The following SH3BP4 variants were observed in gnomAD, a reference collection of about 807,000 sequenced individuals.
SH3BP4 encodes SH3 domain binding protein 4.
A neutral mutation model predicts 65.5 loss-of-function variants in SH3BP4; 33 were observed. The observed-to-expected ratio is 0.50, with a 90% CI of 0.38 to 0.67. SH3BP4 has a LOEUF of 0.67. Ranked by LOEUF, SH3BP4 falls within the 30% of genes least tolerant of loss-of-function variation. SH3BP4 has a pLI of 0.00. For missense variants in SH3BP4, 1,134 were observed against 1,261.4 expected (o/e 0.90, Z 1.53); for synonymous variants, 552 against 545.5 (o/e 1.01, Z -0.17).
rs1422079887 is a variant in SH3BP4 at position 235,041,446 on chromosome 2, T to A, written c.677T>A (p.Leu226His). 6.2e-7 allele frequency: 1 copy of A among 1,614,128 alleles called. No individual in the cohort carries two copies. The highest frequency in any genetic ancestry group is 1.7e-5 in the Admixed American group (1 of 60,036). ...IFDELPVTNG[L>H]HAEPPVRRDN... is the part of the protein sequence containing the mutation. ...GATGAGCTTCCAGTCACAAACGGAC[T>A]CCACGCAGAGCCGCCGGTCAGGCGG... Residue 226 changes from leucine to histidine, a missense_variant, in exon 4 of 6, where the codon CTC becomes CAC. By Grantham distance (99) the Leu-to-His change is moderately conservative. Transcript: ENST00000392011. The surrounding 1 kb of genome is among the most constrained non-coding windows in gnomAD (Gnocchi z 6.0).
chr2:235,012,783 C>T (rs945110973), intron 2 of SH3BP4, among the ~76,000 whole-genome samples: 3 of 152,218 alleles, frequency 2.0e-5, no homozygotes, highest in Non-Finnish European at 2.9e-5. Context: ...CAACTCATGC[C>T]GTGCCATTGT....
Position 235,005,361 on chromosome 2 carries a change from G to A in SH3BP4, c.-133+9985G>A, listed in dbSNP as rs529128737. On this transcript the variant is annotated intron_variant, in intron 2 of 5. Transcript: ENST00000392011. ...GGTGTCAGGGGAGCCCCTCGCCTGG[G>A]GCTCACTCCGGCTCCCCTGACTGGG... is the stretch of plus-strand genomic sequence containing the variant. Among the ~76,000 whole-genome samples the A allele has an allele frequency of 1.3e-5, 2 of 152,114 alleles. 1 individual carries two copies. Among genetic ancestry groups the A allele is most frequent in the South Asian group, 4.1e-4 (2 of 4,820 alleles).
intron 2 of SH3BP4, among the ~76,000 whole-genome samples, chr2:235,010,177 G>A (rs551798176): frequency 1.3e-5 from 2 of 152,190 alleles, no homozygotes; most frequent in Admixed American, 1.3e-4. Context: ...CCCACCCCAG[G>A]TTTTCTCCAT....
At chr2:235,020,023 G>A (rs1164957929) in intron 2 of SH3BP4, among the ~76,000 whole-genome samples, 1 of 152,172 alleles carries the variant, frequency 6.6e-6, no homozygotes, top group Non-Finnish European at 1.5e-5. Context: ...CCCCCCGAGG[G>A]AGAGCCACCG....
chr2:234,966,114 C>T (rs571101775), intron 1 of SH3BP4, among the ~76,000 whole-genome samples: 1 of 152,302 alleles, frequency 6.6e-6, no homozygotes, highest in South Asian at 2.1e-4. Context: ...CACGGTGGCT[C>T]ACACCTGTAA....
chr2:234,998,858 C>G (rs1559237734), intron 2 of SH3BP4, among the ~76,000 whole-genome samples: 1 of 152,196 alleles, frequency 6.6e-6, no homozygotes, highest in Non-Finnish European at 1.5e-5. Context: ...GGCCAGCGTC[C>G]TTAATAGCAT....
Position 234,991,207 on chromosome 2 carries a change from T to C in SH3BP4, c.-206-4096T>C, listed in dbSNP as rs1257758130. ...ATTTAGGACACAGTGGTCATCTCTGTGTGTGAATATAGCTTCCTGTTTGGA... is the reference window on the plus strand; with the variant it reads ...ATTTAGGACACAGTGGTCATCTCTGCGTGTGAATATAGCTTCCTGTTTGGA... On this transcript the variant is annotated intron_variant, in intron 1 of 5. Coordinates refer to ENST00000392011, the MANE Select transcript of SH3BP4 (RefSeq NM_014521.3). This position sits in a 1 kb window ranked among gnomAD's most constrained non-coding sequence, Gnocchi z 4.2. Among the ~76,000 whole-genome samples, 2 of 152,172 alleles carry C rather than the reference T, an allele frequency of 1.3e-5. No individual in the cohort carries two copies. The highest frequency in any genetic ancestry group is 2.9e-5 in the Non-Finnish European group (2 of 68,036).
intron 3 of SH3BP4, among the ~76,000 whole-genome samples, chr2:235,039,595 G>T (rs555921611): frequency 2.0e-5 from 3 of 152,200 alleles, no homozygotes; most frequent in African/African-American, 4.8e-5. Context: ...TTTGGGAGGT[G>T]GGGGAGGGGA....
Position 235,038,356 on chromosome 2 carries a change from A to C in SH3BP4, c.119-2532A>C, listed in dbSNP as rs1574841231. Among the ~76,000 whole-genome samples the C allele has an allele frequency of 2.5e-4, 3 of 12,170 alleles. 1 individual carries two copies. In the South Asian group the frequency reaches 0.017, roughly 70 times the overall value. 8.0% of individuals were successfully genotyped at this position (12,170 alleles called of 152,430 possible). A position where few individuals can be genotyped will look rare whatever the true frequency, so the allele number is the denominator to read the frequency against. ...TATATATAGTATATATATTTTATAT[A>C]TATATATATAATATATATACATATA... On this transcript the variant is annotated intron_variant, in intron 3 of 5. Transcript: ENST00000392011.
At chr2:235,024,099 C>A (rs1694924381) in intron 2 of SH3BP4, among the ~76,000 whole-genome samples, 1 of 152,204 alleles carries the variant, frequency 6.6e-6, no homozygotes, top group Non-Finnish European at 1.5e-5. Context: ...GACATGTGAG[C>A]TCTTCAGTAA....
intron 1 of SH3BP4, among the ~76,000 whole-genome samples, chr2:234,964,079 C>T (rs1002943893): frequency 3.9e-5 from 6 of 152,180 alleles, no homozygotes; most frequent in Admixed American, 2.6e-4. Context: ...CAGGTCTTGG[C>T]ACCGCAGTAT....
In SH3BP4 at chr2:235,035,283, T is replaced by C. The variant is rs2106325404; in HGVS notation, c.118+163T>C. The stretch of plus-strand genomic sequence containing the variant: ...GGTAATAGATTTAGCCCTGGAATCA[T>C]AGTCACTTGTCTTATTTTTTGGTTC... On this transcript the variant is annotated intron_variant, in intron 3 of 5. Coordinates refer to ENST00000392011, the MANE Select transcript of SH3BP4 (RefSeq NM_014521.3). This position sits in a 1 kb window ranked among gnomAD's most constrained non-coding sequence, Gnocchi z 5.0. 6.6e-6 allele frequency among the ~76,000 whole-genome samples: 1 copy of C among 152,356 alleles called. No individual in the cohort carries two copies. Among genetic ancestry groups the C allele is most frequent in the East Asian group, 1.9e-4 (1 of 5,184 alleles).
intron 2 of SH3BP4, among the ~76,000 whole-genome samples, chr2:235,000,066 A>G (rs1234114028): frequency 6.6e-6 from 1 of 152,172 alleles, no homozygotes; most frequent in East Asian, 1.9e-4. Flanking sequence ...ATCCATCTGG[A>G]GAGGGGTGAG....
rs1286293264 is a variant in SH3BP4 at position 235,042,163 on chromosome 2, C to T, written c.1394C>T (p.Thr465Ile). Residue 465 changes from threonine to isoleucine, a missense_variant, in exon 4 of 6, where the codon ACC (threonine) becomes ATC (isoleucine). By Grantham distance (89) the Thr-to-Ile change is moderately conservative. Transcript: ENST00000392011. This position sits in a 1 kb window ranked among gnomAD's most constrained non-coding sequence, Gnocchi z 7.3. ...AHGPSILYPS[T>I]VWDFINKKVT... The stretch of plus-strand genomic sequence containing the variant: ...GGCCCAAGCATCCTCTACCCTTCCA[C>T]CGTGTGGGACTTCATCAATAAAAAA... 6.2e-7 allele frequency: 1 copy of T among 1,614,092 alleles called. No homozygotes were observed. The highest frequency in any genetic ancestry group is 8.5e-7 in the Non-Finnish European group (1 of 1,180,026).
Position 235,034,886 on chromosome 2 carries a change from C to G in SH3BP4, c.-117C>G, listed in dbSNP as rs536809048. ...CTACTTTCAGGAAGAAACATATTGC[C>G]GAGTGGATGCCGCCGCGCAGCGTGT... On this transcript the variant is annotated 5_prime_UTR_variant, in exon 3 of 6. Coordinates refer to ENST00000392011, the MANE Select transcript of SH3BP4 (RefSeq NM_014521.3). The surrounding 1 kb of genome is among the most constrained non-coding windows in gnomAD (Gnocchi z 6.2). 3.8e-6 allele frequency: 3 copies of G among 782,918 alleles called. No homozygotes were observed. In the African/African-American group the frequency reaches 5.2e-5, roughly 14 times the overall value. 48.5% of individuals were successfully genotyped at this position (782,918 alleles called of 1,614,324 possible). A position where few individuals can be genotyped will look rare whatever the true frequency, so the allele number is the denominator to read the frequency against.
Position 234,974,670 on chromosome 2 carries a change from A to G in SH3BP4, c.-206-20633A>G, listed in dbSNP as rs1314863849. Among the ~76,000 whole-genome samples, 1 of 152,204 alleles carries G rather than the reference A, an allele frequency of 6.6e-6. No homozygotes were observed. Among genetic ancestry groups the G allele is most frequent in the African/African-American group, 2.4e-5 (1 of 41,460 alleles). ...CTCATTTTACACTAACAAGGGCTTC[A>G]TGCAGCCCGCGGCCCAGGGCGTTCA... is the stretch of plus-strand genomic sequence containing the variant. On this transcript the variant is annotated intron_variant, in intron 1 of 5. Transcript: ENST00000392011. This position sits in a 1 kb window ranked among gnomAD's most constrained non-coding sequence, Gnocchi z 4.6.
intron 1 of SH3BP4, among the ~76,000 whole-genome samples, chr2:234,986,642 C>A (rs1021483611): frequency 6.6e-6 from 1 of 152,016 alleles, no homozygotes; most frequent in Admixed American, 6.6e-5. Flanking sequence ...CTTTTCACTT[C>A]CTGATCTCGG....
chr2:235,041,037 G>A lies in SH3BP4; in HGVS notation c.268G>A (p.Gly90Ser), dbSNP rs181446700. The A allele has an allele frequency of 4.5e-5, 73 of 1,614,122 alleles. No individual in the cohort carries two copies. In the Admixed American group the frequency reaches 7.7e-4, roughly 17 times the overall value. ...TCTCTACGTCTTGGACACATCTGGC[G>A]GTGAGTGGTGGTACGCACACAACAC... ...DHLYVLDTSGGEWWYAHNTTE... is the reference protein window; with the variant it reads ...DHLYVLDTSGSEWWYAHNTTE... The change falls in exon 4 of 6, where the codon GGT becomes AGT. Residue 90 changes from glycine to serine, a missense_variant. Transcript: ENST00000392011. The surrounding 1 kb of genome is among the most constrained non-coding windows in gnomAD (Gnocchi z 6.0).
rs1693956179 is a variant in SH3BP4 at position 234,997,355 on chromosome 2, C to T, written c.-133+1979C>T. ...CCATTTCCAGGCCCCGAGTTTTGTC[C>T]GTGGCAAATTTCGTGATTTGCACAT... On this transcript the variant is annotated intron_variant, in intron 2 of 5. Transcript: ENST00000392011. This position sits in a 1 kb window ranked among gnomAD's most constrained non-coding sequence, Gnocchi z 4.2. Among the ~76,000 whole-genome samples the T allele has an allele frequency of 6.6e-6, 1 of 152,150 alleles. No homozygotes were observed. Among genetic ancestry groups the T allele is most frequent in the African/African-American group, 2.4e-5 (1 of 41,432 alleles).
Sources: allele counts gnomAD v4.1 joint callset (sites outside exome capture counted in the v4.1 genomes callset), GRCh38; gene constraint gnomAD v4.1.1; non-coding constraint Gnocchi (gnomAD v3.1); transcripts MANE v1.5; gene names NCBI Gene and HGNC (gene_info 2026-07-23, HGNC 2026-07-21).